Variants in PXYLP1 observed in about 807,000 individuals in gnomAD.
PXYLP1 encodes 2-phosphoxylose phosphatase 1.
A neutral mutation model predicts 37.9 loss-of-function variants in PXYLP1; 17 were observed. The ratio of observed to expected loss-of-function variants is 0.45; its 90% CI spans 0.31 to 0.67. The LOEUF is 0.67. PXYLP1 is among the 30% of genes least tolerant of loss of function. The probability of loss-of-function intolerance (pLI) is 0.07; values close to 1 mark genes in which losing one functional copy is unlikely to be tolerated. For synonymous variants in PXYLP1, 221 were observed against 232.2 expected (o/e 0.95, Z 0.44); for missense variants, 511 against 612.0 (o/e 0.84, Z 1.74).
chr3:141,248,018 G>GTTTT lies in PXYLP1; in HGVS notation c.-53-12104_-53-12101dup, dbSNP rs200024544. On this transcript the variant is annotated intron_variant, in intron 1 of 5. Transcript: ENST00000286353. ...AGCTTCGGAGCTTTTAAGAGTTTTT[G>GTTTT]TTTTGTTTTTTTTTTTTTTTTTGAG... Among the ~76,000 whole-genome samples the GTTTT allele has an allele frequency of 7.2e-4, 45 of 62,360 alleles. 1 individual carries two copies. Among genetic ancestry groups the GTTTT allele is most frequent in the East Asian group, 2.6e-3 (7 of 2,702 alleles). The allele number at this position is 62,360 out of a possible 152,430, so 40.9% of individuals were successfully genotyped here. A position where few individuals can be genotyped will look rare whatever the true frequency, so the allele number is the denominator to read the frequency against.
At chr3:141,281,216 C>A (rs1403427948) in intron 4 of PXYLP1, among the ~76,000 whole-genome samples, 1 of 152,174 alleles carries the variant, frequency 6.6e-6, no homozygotes, top group Non-Finnish European at 1.5e-5. Flanking sequence ...GAAGGCAGTA[C>A]ACAAGCAGGC....
rs1271678555 is a variant in PXYLP1 at position 141,283,757 on chromosome 3, G to A, written c.366-3557G>A. Among the ~76,000 whole-genome samples, 8 of 151,480 alleles carry A rather than the reference G, an allele frequency of 5.3e-5. No homozygotes were observed. The South Asian group carries it at 1.5e-3, about 28-fold the overall frequency. On this transcript the variant is annotated intron_variant, in intron 4 of 5. Transcript: ENST00000286353. ...TTTTCTGGTAACAGTGTCACTGGTC[G>A]TCTGCCTCTTCTGCTTGCCTTAACA...
intron 2 of PXYLP1, among the ~76,000 whole-genome samples, chr3:141,261,608 G>T (rs142319443): frequency 6.6e-6 from 1 of 152,160 alleles, no homozygotes; most frequent in African/African-American, 2.4e-5. Flanking sequence ...TATTACAGGC[G>T]TGAGCCACCA....
Position 141,278,342 on chromosome 3 carries a change from T to C in PXYLP1, c.80T>C (p.Phe27Ser). The C allele has an allele frequency of 6.2e-7, 1 of 1,614,106 alleles. No individual in the cohort carries two copies. The highest frequency in any genetic ancestry group is 8.5e-7 in the Non-Finnish European group (1 of 1,179,994). The part of the protein sequence containing the change: ...LAFVSLSLQF[F>S]HLIPVSTPKN... ...CACAACCTGCCTTACTTCGTTTCAG[T>C]CCACCTGATCCCGGTGTCGACTCCT... is the stretch of plus-strand genomic sequence containing the variant. Residue 27 changes from phenylalanine to serine, a missense_variant and splice_region_variant, in exon 3 of 6, where the codon TTC becomes TCC. Coordinates refer to ENST00000286353, the MANE Select transcript of PXYLP1 (RefSeq NM_001037172.3).
chr3:141,279,640 C>T (rs1941899068), intron 4 of PXYLP1, 136 bp downstream of exon 4: 1 of 1,089,200 alleles, frequency 9.2e-7, no homozygotes, highest in African/African-American at 1.6e-5. Context: ...ATGTGAGTGC[C>T]ATTATACAGT....
At chr3:141,238,058 G>C (rs1346969515) in intron 1 of PXYLP1, among the ~76,000 whole-genome samples, 1 of 152,176 alleles carries the variant, frequency 6.6e-6, no homozygotes. Context: ...TTTTGGACTG[G>C]ACTGGCTCTT....
intron 1 of PXYLP1, among the ~76,000 whole-genome samples, chr3:141,236,772 CGTAAAGTTA>C (rs945110202): frequency 5.9e-5 from 9 of 151,976 alleles, no homozygotes; most frequent in African/African-American, 1.9e-4. Flanking sequence ...GTTGGATTAC[CGTAAAGTTA>C]GTAAAGTTGT....
chr3:141,252,898 C>T (rs1192317481), intron 1 of PXYLP1, among the ~76,000 whole-genome samples: 1 of 152,202 alleles, frequency 6.6e-6, no homozygotes, highest in Non-Finnish European at 1.5e-5. Flanking sequence ...AGCCACGCCT[C>T]ATGACTATTA....
chr3:141,257,714 C>T (rs112142155), intron 1 of PXYLP1, among the ~76,000 whole-genome samples: 34,493 of 151,746 alleles, frequency 0.23, 5,536 homozygotes, highest in African/African-American at 0.46. Flanking sequence ...CCAGCCTGGC[C>T]AATGTGGTGA....
chr3:141,239,301 G>A (rs1028486839), intron 1 of PXYLP1, among the ~76,000 whole-genome samples: 1 of 152,216 alleles, frequency 6.6e-6, no homozygotes, highest in African/African-American at 2.4e-5. Flanking sequence ...TGGAAACACA[G>A]ACCTGAAAAA....
intron 1 of PXYLP1, among the ~76,000 whole-genome samples, chr3:141,255,930 G>A (rs1941253013): frequency 6.6e-6 from 1 of 152,174 alleles, no homozygotes; most frequent in Admixed American, 6.5e-5. Flanking sequence ...GAAAACCTAG[G>A]GCAAGGCAGG....
intron 5 of PXYLP1, among the ~76,000 whole-genome samples, chr3:141,289,583 G>A (rs1451166260): frequency 6.6e-6 from 1 of 152,190 alleles, no homozygotes; most frequent in Non-Finnish European, 1.5e-5. Context: ...ATTCAGGAAT[G>A]ACTCACAGAC....
At chr3:141,237,319 C>T (rs1162066777) in intron 1 of PXYLP1, among the ~76,000 whole-genome samples, 1 of 152,200 alleles carries the variant, frequency 6.6e-6, no homozygotes, top group Non-Finnish European at 1.5e-5. Context: ...AAGGACTTCT[C>T]AAGGTTTGTA....
intron 1 of PXYLP1, among the ~76,000 whole-genome samples, chr3:141,246,027 C>T (rs1482171616): frequency 1.3e-5 from 2 of 152,146 alleles, no homozygotes; most frequent in Non-Finnish European, 2.9e-5. Flanking sequence ...GTTCTTCCCC[C>T]GACTGACCGA....
chr3:141,272,401 A>C (rs556148333), intron 2 of PXYLP1, among the ~76,000 whole-genome samples: 2 of 152,294 alleles, frequency 1.3e-5, no homozygotes, highest in African/African-American at 4.8e-5. Context: ...CCATCAATGG[A>C]ATAAACAAAA....
chr3:141,249,127 T>C (rs974755204), intron 1 of PXYLP1, among the ~76,000 whole-genome samples: 31 of 152,320 alleles, frequency 2.0e-4, no homozygotes, highest in African/African-American at 7.2e-4. Flanking sequence ...TCAGATTTAC[T>C]TCTAAGGATG....
At chr3:141,247,624 A>C (rs1940992022) in intron 1 of PXYLP1, among the ~76,000 whole-genome samples, 1 of 152,230 alleles carries the variant, frequency 6.6e-6, no homozygotes, top group Non-Finnish European at 1.5e-5. Context: ...TTCTACAACA[A>C]ACATTCCCAC....
At chr3:141,281,781 A>G (rs1392354951) in intron 4 of PXYLP1, among the ~76,000 whole-genome samples, 1 of 152,130 alleles carries the variant, frequency 6.6e-6, no homozygotes, top group African/African-American at 2.4e-5. Context: ...CAACCCATGC[A>G]GTGTGAGGTG....
At chr3:141,281,506 T>C (rs1941955969) in intron 4 of PXYLP1, among the ~76,000 whole-genome samples, 1 of 152,096 alleles carries the variant, frequency 6.6e-6, no homozygotes, top group African/African-American at 2.4e-5. Flanking sequence ...CCTCAGTGAA[T>C]AGCTGGCACA....
Sources: gnomAD v4.1 joint callset for allele counts (sites outside exome capture counted in the v4.1 genomes callset) on GRCh38, gnomAD v4.1.1 for gene constraint, MANE v1.5 for transcripts, NCBI Gene and HGNC (gene_info 2026-07-23, HGNC 2026-07-21) for gene names.